Variants in ETNK1 observed in about 807,000 individuals in gnomAD.
ETNK1 encodes the protein ethanolamine kinase 1, also known as putative protein product of Nbla10396.
A neutral mutation model predicts 45.1 loss-of-function variants in ETNK1; 8 were observed. The observed-to-expected ratio is 0.18, with a 90% CI of 0.10 to 0.32. ETNK1 has a LOEUF of 0.32. ETNK1 is among the 10% of genes least tolerant of loss of function. The probability of loss-of-function intolerance (pLI) is 1.00; values close to 1 mark genes in which losing one functional copy is unlikely to be tolerated. For synonymous variants in ETNK1, 152 were observed against 151.9 expected, an observed-to-expected ratio of 1.00 and a Z score of -0.01; for missense variants, 302 against 430.6, an observed-to-expected ratio of 0.70 and a Z score of 2.64.
chr12:22,664,925 A>T lies in ETNK1; in HGVS notation c.700+3720A>T, dbSNP rs146474536. Among the ~76,000 whole-genome samples the T allele has an allele frequency of 5.8e-3, 889 of 152,220 alleles. 6 individuals are homozygous for T. Among genetic ancestry groups the T allele is most frequent in the African/African-American group, 0.02 (841 of 41,530 alleles). The stretch of plus-strand genomic sequence containing the variant: ...AGTATTTGTCTGCAGTATGTTTCAG[A>T]CCCTTAATTTCTCAGAAGTACAAAT... On this transcript the variant is annotated intron_variant, in intron 4 of 7. Transcript: ENST00000266517.
chr12:22,671,331 G>A lies in ETNK1; in HGVS notation c.760G>A (p.Gly254Arg). ...ATACAACTACCTGGCATATGATATT[G>A]GAAATCATTTCAATGAATTTGCAGG... ...SGYNYLAYDI[G>R]NHFNEFAGVS... is the part of the protein sequence containing the mutation. Residue 254 changes from glycine to arginine, a missense_variant, in exon 5 of 8, where the codon GGA (glycine) becomes AGA (arginine). Around this residue, in one of 3 missense-constraint regions of ETNK1, gnomAD observed 94 missense variants for 152.9 expected, o/e 0.61. Transcript: ENST00000266517. 6.2e-7 allele frequency: 1 copy of A among 1,606,596 alleles called. No homozygotes were observed. Among genetic ancestry groups the A allele is most frequent in the Non-Finnish European group, 8.5e-7 (1 of 1,173,778 alleles).
At chr12:22,629,588 C>T (rs1953548975) in intron 1 of ETNK1, among the ~76,000 whole-genome samples, 1 of 152,010 alleles carries the variant, frequency 6.6e-6, no homozygotes, top group African/African-American at 2.4e-5. Flanking sequence ...CAGATCTATA[C>T]AATTGCTGTG....
chr12:22,676,776 T>G (rs1954166624), intron 6 of ETNK1, among the ~76,000 whole-genome samples: 1 of 152,220 alleles, frequency 6.6e-6, no homozygotes, highest in African/African-American at 2.4e-5. Context: ...ATGATGAGCT[T>G]TTTTTCATAT....
At chr12:22,628,024 G>T (rs907885961) in intron 1 of ETNK1, among the ~76,000 whole-genome samples, 18 of 152,014 alleles carry the variant, frequency 1.2e-4, no homozygotes, top group African/African-American at 4.3e-4. Context: ...TAGATTAAAA[G>T]AATAAATTAT....
At chr12:22,677,374 T>C (rs1319245603) in intron 6 of ETNK1, among the ~76,000 whole-genome samples, 4 of 152,234 alleles carry the variant, frequency 2.6e-5, no homozygotes, top group African/African-American at 9.6e-5. Flanking sequence ...TCTATATATC[T>C]GTTTTGGTAC....
intron 6 of ETNK1, among the ~76,000 whole-genome samples, chr12:22,679,264 T>C (rs549637661): frequency 1.3e-5 from 2 of 152,308 alleles, no homozygotes; most frequent in East Asian, 3.9e-4. Context: ...GGCAAACCAC[T>C]GGCGTTTAAG....
At chr12:22,680,392 T>C (rs1954203359) in intron 6 of ETNK1, among the ~76,000 whole-genome samples, 1 of 152,218 alleles carries the variant, frequency 6.6e-6, no homozygotes, top group Non-Finnish European at 1.5e-5. Context: ...GTGTCACTTT[T>C]CTATTTTATG....
intron 2 of ETNK1, among the ~76,000 whole-genome samples, chr12:22,650,068 A>G (rs1314063364): frequency 6.6e-6 from 1 of 152,040 alleles, no homozygotes; most frequent in Non-Finnish European, 1.5e-5. Context: ...TTACTGTAAA[A>G]GGAGTGCATT....
chr12:22,643,650 A>T, intron 1 of ETNK1, 113 bp from the exon 2 acceptor site: 1 of 703,780 alleles, frequency 1.4e-6, no homozygotes, highest in Non-Finnish European at 2.2e-6. Context: ...TTTTATGTGA[A>T]GAAGTTGGTG....
intron 2 of ETNK1, among the ~76,000 whole-genome samples, chr12:22,653,059 TC>T (rs1480219440): frequency 1.3e-5 from 2 of 152,128 alleles, no homozygotes; most frequent in Non-Finnish European, 2.9e-5. Context: ...GATGTGGATA[TC>T]TAGTTTTCCC....
At chr12:22,641,457 G>C (rs960160220) in intron 1 of ETNK1, among the ~76,000 whole-genome samples, 8 of 152,088 alleles carry the variant, frequency 5.3e-5, no homozygotes, top group African/African-American at 1.9e-4. Context: ...ATTACAGAGT[G>C]GTTTTGTTGT....
At chr12:22,655,529 G>T (rs1196916307) in intron 2 of ETNK1, among the ~76,000 whole-genome samples, 1 of 151,714 alleles carries the variant, frequency 6.6e-6, no homozygotes, top group Non-Finnish European at 1.5e-5. Flanking sequence ...TAGAGACAGG[G>T]TTTTGCCATG....
In ETNK1 at chr12:22,625,458, G is replaced by T. The variant is rs1305869327; in HGVS notation, c.28G>T (p.Gly10Cys). The T allele has an allele frequency of 1.3e-6, 2 of 1,597,834 alleles. No homozygotes were observed. The highest frequency in any genetic ancestry group is 1.3e-5 in the African/African-American group (1 of 74,680). Residue 10 changes from glycine (G) to cysteine (C), a missense_variant, in exon 1 of 8, where the codon GGC (glycine) becomes TGC (cysteine). Coordinates refer to ENST00000266517, the MANE Select transcript of ETNK1 (RefSeq NM_018638.5). ...GGCCAATTACATCCACGTCCCTCCCGGCTCCCCGGAGGTGCCCAAGCTGAA... is the reference window on the plus strand; with the variant it reads ...GGCCAATTACATCCACGTCCCTCCCTGCTCCCCGGAGGTGCCCAAGCTGAA... MANYIHVPP[G>C]SPEVPKLNVT...
intron 6 of ETNK1, among the ~76,000 whole-genome samples, chr12:22,676,845 C>T (rs918568712): frequency 6.3e-5 from 9 of 142,614 alleles, no homozygotes; most frequent in South Asian, 4.5e-4. Context: ...CCTTTGCCTA[C>T]GTTTTGATGG....
chr12:22,660,034 TA>T (rs371874842), intron 3 of ETNK1, among the ~76,000 whole-genome samples: 8,314 of 122,538 alleles, frequency 0.068, 611 homozygotes, highest in African/African-American at 0.2. Flanking sequence ...ACACTACCTT[TA>T]AAAAAAAAAA....
chr12:22,651,187 G>A (rs1482166846), intron 2 of ETNK1, among the ~76,000 whole-genome samples: 1 of 152,182 alleles, frequency 6.6e-6, no homozygotes, highest in Non-Finnish European at 1.5e-5. Flanking sequence ...AAGATTGGTC[G>A]GACCAGGCGT....
chr12:22,640,458 G>C (rs564983673), intron 1 of ETNK1, among the ~76,000 whole-genome samples: 93 of 148,364 alleles, frequency 6.3e-4, no homozygotes, highest in African/African-American at 2.3e-3. Flanking sequence ...TTAACATTTA[G>C]CTATTTGGAT....
At chr12:22,669,233 C>G (rs1034812747) in intron 4 of ETNK1, among the ~76,000 whole-genome samples, 3 of 151,964 alleles carry the variant, frequency 2.0e-5, no homozygotes, top group Admixed American at 6.6e-5. Flanking sequence ...AGTCTTTTTA[C>G]TGATAGTTTT....
At chr12:22,684,778 TCTTAAA>T (rs1954245299) in intron 7 of ETNK1, 98 bp from the exon 8 acceptor site, 6 of 948,072 alleles carry the variant, frequency 6.3e-6, no homozygotes, top group Non-Finnish European at 9.5e-6. Flanking sequence ...CCTTTGAAAA[TCTTAAA>T]CTTTAAGAAA....
Sources: gnomAD v4.1 joint callset for allele counts (sites outside exome capture counted in the v4.1 genomes callset) on GRCh38, gnomAD v4.1.1 for gene constraint, gnomAD v4.1.1 regional missense constraint, MANE v1.5 for transcripts, NCBI Gene and HGNC (gene_info 2026-07-23, HGNC 2026-07-21) for gene names.